Variants in TBCE observed in about 807,000 individuals in gnomAD.
The protein encoded by TBCE is tubulin-specific chaperone E.
A neutral mutation model predicts 77.0 loss-of-function variants in TBCE; 53 were observed. That is an observed-to-expected ratio of 0.69 (90% confidence interval 0.55 to 0.87). TBCE has a LOEUF of 0.87. Ranked by LOEUF, TBCE falls within the 40% of genes least tolerant of loss-of-function variation. The probability of loss-of-function intolerance (pLI) is 0.00; values close to 1 mark genes in which losing one functional copy is unlikely to be tolerated. For synonymous variants in TBCE, 235 were observed against 241.3 expected (o/e 0.97, Z 0.24); for missense variants, 624 against 622.4 (o/e 1.00, Z -0.03).
intron 2 of TBCE, among the ~76,000 whole-genome samples, chr1:235,386,783 CCTT>C (rs1369374094): frequency 6.6e-6 from 1 of 152,180 alleles, no homozygotes; most frequent in Non-Finnish European, 1.5e-5. Flanking sequence ...TCGTCTGAAG[CCTT>C]CTTCTCTCAA....
chr1:235,423,158 A>T lies in TBCE; in HGVS notation c.460+3597A>T, dbSNP rs182305263. On this transcript the variant is annotated intron_variant, in intron 5 of 16. Coordinates refer to ENST00000642610, the MANE Select transcript of TBCE (RefSeq NM_003193.5). ...TATTTACTCTACCAGAACTCGAGGC[A>T]GTGGGAGAGCTGCAGACCCGGGTGT... Among the ~76,000 whole-genome samples, 20 of 152,218 alleles carry T rather than the reference A, an allele frequency of 1.3e-4. No homozygotes were observed. In the East Asian group the frequency reaches 1.9e-3, roughly 15 times the overall value.
intron 6 of TBCE, chr1:235,429,556 G>A (rs150020554): frequency 7.2e-5 from 11 of 152,300 alleles, no homozygotes; most frequent in African/African-American, 1.9e-4. Context: ...TTTAATTGCT[G>A]TAGGAATGAG....
At chr1:235,440,530 T>C (rs1368887757) in intron 13 of TBCE, among the ~76,000 whole-genome samples, 2 of 152,038 alleles carry the variant, frequency 1.3e-5, no homozygotes, top group Non-Finnish European at 2.9e-5. Context: ...GAAGCTGGGA[T>C]TACAGGCGTC....
intron 2 of TBCE, among the ~76,000 whole-genome samples, chr1:235,400,185 TG>T (rs1186993089): frequency 2.0e-5 from 3 of 152,118 alleles, no homozygotes; most frequent in African/African-American, 7.2e-5. Flanking sequence ...CTAACTCATA[TG>T]TGTGACATTT....
In TBCE at chr1:235,419,547, C is replaced by G. The variant is rs150187679; in HGVS notation, c.446C>G (p.Ala149Gly). 2.2e-4 allele frequency: 363 copies of G among 1,614,036 alleles called. No individual in the cohort carries two copies. The highest frequency in any genetic ancestry group is 2.9e-4 in the Non-Finnish European group (344 of 1,180,022). Residue 149 changes from alanine to glycine, a missense_variant, in exon 5 of 17, where the codon GCT (alanine) becomes GGT (glycine). Physicochemically the swap from Ala to Gly is moderately conservative, Grantham distance 60. Transcript: ENST00000642610. ...TGTGCTGGTGAAAAAGGAGGAGTTG[C>G]TGAAGCATGTCCTAGTATCCTTTTC... ...VSCAGEKGGV[A>G]EACPNIRKVD...
intron 7 of TBCE, chr1:235,433,116 C>T: frequency 6.7e-7 from 1 of 1,488,678 alleles, no homozygotes. Context: ...AGGTCACGGG[C>T]AGGTTTAACA....
chr1:235,393,934 C>G (rs1403568532), intron 2 of TBCE, among the ~76,000 whole-genome samples: 1 of 151,964 alleles, frequency 6.6e-6, no homozygotes, highest in Non-Finnish European at 1.5e-5. Context: ...ACAGACACAC[C>G]GTGGTATTTA....
At chr1:235,441,774 C>G (rs200990578) in intron 13 of TBCE, 40 bp from the exon 14 acceptor site, 1 of 1,571,284 alleles carries the variant, frequency 6.4e-7, no homozygotes, top group African/African-American at 1.3e-5. Flanking sequence ...CTTATAGTGG[C>G]CTTTGGTTTA....
At chr1:235,369,433 G>A (rs1254016377) in intron 1 of TBCE, among the ~76,000 whole-genome samples, 1 of 152,030 alleles carries the variant, frequency 6.6e-6, no homozygotes, top group Non-Finnish European at 1.5e-5. Context: ...CTTGAACCCG[G>A]GAGACAGAGG....
At chr1:235,371,356 A>G (rs1354881972) in intron 1 of TBCE, among the ~76,000 whole-genome samples, 4 of 122,106 alleles carry the variant, frequency 3.3e-5, no homozygotes, top group Non-Finnish European at 6.9e-5. Flanking sequence ...GCCCCCGGCC[A>G]CTCTTGTCTT....
intron 2 of TBCE, among the ~76,000 whole-genome samples, chr1:235,396,126 C>T (rs1397230154): frequency 2.0e-5 from 3 of 151,940 alleles, no homozygotes; most frequent in African/African-American, 7.3e-5. Flanking sequence ...GTGGAGCGAT[C>T]TCGGCTCACT....
chr1:235,442,222 G>A (rs1681937337), intron 14 of TBCE, among the ~76,000 whole-genome samples: 1 of 152,098 alleles, frequency 6.6e-6, no homozygotes, highest in Non-Finnish European at 1.5e-5. Context: ...CCAGACTGGA[G>A]TGCAGTGGCA....
intron 5 of TBCE, among the ~76,000 whole-genome samples, chr1:235,424,327 T>TG (rs1680575758): frequency 1.3e-5 from 2 of 148,428 alleles, no homozygotes; most frequent in African/African-American, 5.0e-5. Context: ...GAGCTCTTTT[T>TG]TTTTTTTTTT....
At chr1:235,433,925 C>T (rs1681252785) in intron 7 of TBCE, 1 of 506,596 alleles carries the variant, frequency 2.0e-6, no homozygotes, top group Admixed American at 3.4e-5. Context: ...TCCTGTTCCA[C>T]CTCGTAGCTG....
intron 3 of TBCE, among the ~76,000 whole-genome samples, chr1:235,405,884 G>C (rs569509424): frequency 2.6e-4 from 40 of 152,146 alleles, no homozygotes; most frequent in African/African-American, 9.2e-4. Flanking sequence ...CTAGGAGATA[G>C]GATTTTTTCA....
Position 235,401,607 on chromosome 1 carries a change from C to T in TBCE, c.185+20C>T, listed in dbSNP as rs1679108783. ...ATGCAGGTAACTTTTCATTATGAAT[C>T]AGCACGGTCATTTAGTCAAGATTAT... is the stretch of plus-strand genomic sequence containing the variant. On this transcript the variant is annotated intron_variant, in intron 3 of 16. Coordinates refer to ENST00000642610, the MANE Select transcript of TBCE (RefSeq NM_003193.5). 2 of 1,584,510 alleles carry T rather than the reference C, an allele frequency of 1.3e-6. No individual in the cohort carries two copies. Among genetic ancestry groups the T allele is most frequent in the Non-Finnish European group, 1.7e-6 (2 of 1,153,784 alleles).
intron 16 of TBCE, 69 bp downstream of exon 16, chr1:235,448,509 CTAGA>C: frequency 1.3e-6 from 2 of 1,495,308 alleles, no homozygotes; most frequent in Non-Finnish European, 1.9e-6. Flanking sequence ...TAAACTGTCT[CTAGA>C]TAGCAACAGT....
At position 235,448,399 on chromosome 1, in the gene TBCE, G is replaced by T. The variant is rs140606727; in HGVS notation, c.1450G>T (p.Val484Phe). 6.2e-7 allele frequency: 1 copy of T among 1,614,168 alleles called. No individual in the cohort carries two copies. Among genetic ancestry groups the T allele is most frequent in the African/African-American group, 1.3e-5 (1 of 75,046 alleles). Residue 484 changes from valine to phenylalanine, a missense_variant, in exon 16 of 17, where the codon GTT becomes TTT. Transcript: ENST00000642610. ...VKGLLSRLLKVPVSDLLLSYE... is the reference protein window; with the variant it reads ...VKGLLSRLLKFPVSDLLLSYE... ...GGGATTGCTGTCACGTCTTCTCAAAGTTCCTGTGTCAGACCTTCTGTTGTC... is the reference window on the plus strand; with the variant it reads ...GGGATTGCTGTCACGTCTTCTCAAATTTCCTGTGTCAGACCTTCTGTTGTC...
chr1:235,438,118 C>T (rs1007571353), intron 12 of TBCE, among the ~76,000 whole-genome samples: 3 of 152,248 alleles, frequency 2.0e-5, no homozygotes, highest in Non-Finnish European at 4.4e-5. Flanking sequence ...ATGCCTTGTC[C>T]TTGCCAGCAC....
Sources: gnomAD v4.1 joint callset for allele counts (sites outside exome capture counted in the v4.1 genomes callset) on GRCh38, gnomAD v4.1.1 for gene constraint, MANE v1.5 for transcripts, NCBI Gene and HGNC (gene_info 2026-07-23, HGNC 2026-07-21) for gene names.